The following PACC1 variants were observed in gnomAD, a reference collection of about 807,000 sequenced individuals.
The protein encoded by PACC1 is proton-activated chloride channel.
In PACC1, 34 loss-of-function variants were observed where a neutral mutation model predicts 39.7. The observed-to-expected ratio is 0.86, with a 90% CI of 0.65 to 1.14. The LOEUF is 1.14. Ranked by LOEUF, PACC1 falls within the 50% of genes most tolerant of loss-of-function variation. The pLI is 0.00. For synonymous variants in PACC1, 127 were observed against 160.6 expected (o/e 0.79, Z 1.58); for missense variants, 379 against 436.4 (o/e 0.87, Z 1.17).
At chr1:212,377,513 G>T (rs6664170) in intron 6 of PACC1, 49 bp downstream of exon 6, 2 of 1,609,474 alleles carry the variant, frequency 1.2e-6, no homozygotes, top group South Asian at 2.2e-5. Flanking sequence ...CCTCAGACTC[G>T]AATGTGGAAA....
At chr1:212,365,768 T>A (rs151239743) in intron 7 of PACC1, among the ~76,000 whole-genome samples, 1 of 152,194 alleles carries the variant, frequency 6.6e-6, no homozygotes, top group African/African-American at 2.4e-5. Context: ...CTCCCTATAA[T>A]AAAGTGATTC....
chr1:212,366,883 G>A (rs895881924), intron 7 of PACC1, among the ~76,000 whole-genome samples: 5 of 152,176 alleles, frequency 3.3e-5, no homozygotes, highest in Non-Finnish European at 5.9e-5. Flanking sequence ...AAGCACATCC[G>A]TATCACAGAA....
intron 4 of PACC1, among the ~76,000 whole-genome samples, chr1:212,381,763 GCA>G (rs1455892856): frequency 2.6e-5 from 1 of 38,616 alleles, no homozygotes; most frequent in Non-Finnish European, 4.8e-5. Flanking sequence ...CCAGGGGACA[GCA>G]CAGTGACACA....
At chr1:212,404,597 A>G (rs1383699548) in intron 2 of PACC1, among the ~76,000 whole-genome samples, 1 of 151,582 alleles carries the variant, frequency 6.6e-6, no homozygotes. Flanking sequence ...ATCTCTATAC[A>G]GTTGCTCATG....
intron 2 of PACC1, among the ~76,000 whole-genome samples, chr1:212,399,366 C>T (rs1661633982): frequency 6.6e-6 from 1 of 152,192 alleles, no homozygotes; most frequent in Non-Finnish European, 1.5e-5. Flanking sequence ...ATGCTCTTTC[C>T]CTACACAACT....
intron 1 of PACC1, among the ~76,000 whole-genome samples, chr1:212,412,824 A>G (rs1662186752): frequency 1.3e-5 from 2 of 152,242 alleles, no homozygotes; most frequent in African/African-American, 4.8e-5. Flanking sequence ...AACAAGAGCT[A>G]TCATTCACTG....
chr1:212,414,424 T>C (rs1256472683), intron 1 of PACC1, among the ~76,000 whole-genome samples: 1 of 152,090 alleles, frequency 6.6e-6, no homozygotes, highest in Non-Finnish European at 1.5e-5. Flanking sequence ...GGGCCTCAGG[T>C]AGCTTCAATC....
At chr1:212,409,784 C>T (rs1662055314) in intron 2 of PACC1, among the ~76,000 whole-genome samples, 1 of 152,084 alleles carries the variant, frequency 6.6e-6, no homozygotes, top group African/African-American at 2.4e-5. Context: ...CACGTGTGAG[C>T]AAGCAGTGGC....
In PACC1 at chr1:212,392,385, A is replaced by C. The variant is rs551128532; in HGVS notation, c.134-5285T>G. Among the ~76,000 whole-genome samples, 1,190 of 152,332 alleles carry C rather than the reference A, an allele frequency of 7.8e-3. 17 individuals carry two copies. Among genetic ancestry groups the C allele is most frequent in the African/African-American group, 0.027 (1,120 of 41,564 alleles). On this transcript the variant is annotated intron_variant, in intron 2 of 7. Coordinates refer to ENST00000261455, the MANE Select transcript of PACC1 (RefSeq NM_018252.3). ...GAAATAAAATACTTTACAGACAAGC[A>C]AATGCTGAGAGATTTTATCACCACC...
Position 212,363,938 on chromosome 1 carries a change from C to T in PACC1, c.*1277G>A, listed in dbSNP as rs1660145233. The T allele has an allele frequency of 6.6e-6, 1 of 152,202 alleles. No homozygotes were observed. The highest frequency in any genetic ancestry group is 2.4e-5 in the African/African-American group (1 of 41,456). The allele number at this position is 152,202 out of a possible 1,614,324, so 9.4% of individuals were successfully genotyped here. Reference sequence around the variant, plus strand: ...AAGTGGCAGGGAATATTTCTTTATACAGTTCACTTTTAATCATTCATCCAA... The same window carrying T: ...AAGTGGCAGGGAATATTTCTTTATATAGTTCACTTTTAATCATTCATCCAA... On this transcript the variant is annotated 3_prime_UTR_variant, in exon 8 of 8. Transcript: ENST00000261455.
intron 6 of PACC1, 130 bp from the exon 7 acceptor site, chr1:212,375,430 A>G (rs1660611564): frequency 1.6e-6 from 1 of 610,720 alleles, no homozygotes; most frequent in Non-Finnish European, 2.9e-6. Context: ...TTTTGGAGAG[A>G]GAGTGGCAAA....
chr1:212,375,940 C>T (rs552500064), intron 6 of PACC1, among the ~76,000 whole-genome samples: 16 of 152,290 alleles, frequency 1.1e-4, no homozygotes, highest in Admixed American at 8.5e-4. Flanking sequence ...GTAAGACTCA[C>T]AATTAAAAGC....
chr1:212,389,007 T>G (rs1310084784), intron 2 of PACC1, among the ~76,000 whole-genome samples: 1 of 152,094 alleles, frequency 6.6e-6, no homozygotes, highest in Non-Finnish European at 1.5e-5. Context: ...AGAAAACAAT[T>G]ATAAACTTTG....
intron 1 of PACC1, among the ~76,000 whole-genome samples, chr1:212,412,732 G>A (rs991703149): frequency 6.6e-6 from 1 of 152,190 alleles, no homozygotes; most frequent in African/African-American, 2.4e-5. Flanking sequence ...TGCTAGGCTG[G>A]CTATGTGTGG....
At chr1:212,393,515 C>A (rs1661403845) in intron 2 of PACC1, among the ~76,000 whole-genome samples, 1 of 152,118 alleles carries the variant, frequency 6.6e-6, no homozygotes, top group Admixed American at 6.6e-5. Flanking sequence ...ACTGACATCA[C>A]AATTAAAAGA....
intron 2 of PACC1, among the ~76,000 whole-genome samples, chr1:212,394,537 G>A (rs1661442692): frequency 1.3e-5 from 2 of 152,282 alleles, no homozygotes; most frequent in South Asian, 4.1e-4. Flanking sequence ...AGACAGGGAT[G>A]CCCTCTCTCA....
intron 1 of PACC1, 86 bp downstream of exon 1, chr1:212,414,636 G>T: frequency 6.8e-7 from 1 of 1,461,800 alleles, no homozygotes; most frequent in Non-Finnish European, 9.4e-7. Flanking sequence ...GCGCAGCCCC[G>T]ACACCCCCCG....
At position 212,414,826 on chromosome 1, in the gene PACC1, C is replaced by A; in HGVS notation, c.-69G>T. 1 of 1,594,314 alleles carries A rather than the reference C, an allele frequency of 6.3e-7. No homozygotes were observed. The highest frequency in any genetic ancestry group is 8.6e-7 in the Non-Finnish European group (1 of 1,164,436). ...GCGGCGCACGGACGCAGCACTGCGG[C>A]CGCTGCACCTGGACCTACCGGCTCC... On this transcript the variant is annotated 5_prime_UTR_variant, in exon 1 of 8. Transcript: ENST00000261455.
intron 7 of PACC1, among the ~76,000 whole-genome samples, chr1:212,374,380 T>C (rs1192140412): frequency 6.6e-6 from 1 of 151,684 alleles, no homozygotes; most frequent in Non-Finnish European, 1.5e-5. Flanking sequence ...CTCATGGAGG[T>C]AGCGAGTAAA....
Sources: allele counts gnomAD v4.1 joint callset (sites outside exome capture counted in the v4.1 genomes callset), GRCh38; gene constraint gnomAD v4.1.1; transcripts MANE v1.5; gene names NCBI Gene and HGNC (gene_info 2026-07-23, HGNC 2026-07-21).